COLEC10: variants seen among roughly 807,000 people sequenced by gnomAD.
COLEC10 encodes collectin-10.
A neutral mutation model predicts 28.4 loss-of-function variants in COLEC10; 22 were observed. The ratio of observed to expected loss-of-function variants is 0.78; its 90% CI spans 0.55 to 1.11. The LOEUF is 1.11. COLEC10 is among the 50% of genes least tolerant of loss of function. COLEC10 has a pLI of 0.00. For missense variants in COLEC10, 361 were observed against 344.1 expected (o/e 1.05, Z -0.39); for synonymous variants, 125 against 116.1 (o/e 1.08, Z -0.49).
At chr8:119,024,621 C>A (rs757290812) in intron 2 of COLEC10, among the ~76,000 whole-genome samples, 1 of 151,942 alleles carries the variant, frequency 6.6e-6, no homozygotes, top group Non-Finnish European at 1.5e-5. Flanking sequence ...CAGTGTGCAG[C>A]CACCTGCCTT....
intron 2 of COLEC10, among the ~76,000 whole-genome samples, chr8:119,021,320 G>A (rs1472622153): frequency 6.6e-6 from 1 of 152,090 alleles, no homozygotes; most frequent in East Asian, 1.9e-4. Context: ...TTTCTTAAAG[G>A]GCTGTGTAGC....
chr8:118,961,178 G>A, the COLEC10 span, among the ~76,000 whole-genome samples: 1 of 152,108 alleles, frequency 6.6e-6, no homozygotes, highest in African/African-American at 2.4e-5. Context: ...ATAGTGATAA[G>A]GAAACTAAAA....
chr8:119,069,619 AAAAAAAAAAAATATATATATATAT>A lies in COLEC10; in HGVS notation c.148+2192_148+2215del, dbSNP rs1275733722. Among the ~76,000 whole-genome samples, 356 of 61,362 alleles carry A rather than the reference AAAAAAAAAAAATATATATATATAT, an allele frequency of 5.8e-3. 3 individuals are homozygous for A. Among genetic ancestry groups the A allele is most frequent in the African/African-American group, 0.022 (326 of 14,582 alleles). The allele number at this position is 61,362 out of a possible 152,430, so 40.3% of individuals were successfully genotyped here. On this transcript the variant is annotated intron_variant, in intron 1 of 5. Coordinates refer to ENST00000332843, the MANE Select transcript of COLEC10 (RefSeq NM_006438.5). ...AGACCCCATCTCAAAAAAAAAAAAAAAAAAAAAAAAATATATATATATATATATATATATATATATATGTAAACT... is the reference window on the plus strand; with the variant it reads ...AGACCCCATCTCAAAAAAAAAAAAAAATATATATATATATATATGTAAACT...
At chr8:119,104,537 T>C (rs1815901046) in intron 5 of COLEC10, among the ~76,000 whole-genome samples, 1 of 152,286 alleles carries the variant, frequency 6.6e-6, no homozygotes, top group East Asian at 1.9e-4. Context: ...GAAAAGCCCT[T>C]GAAGTGGAAA....
chr8:118,981,003 G>T, the COLEC10 span, among the ~76,000 whole-genome samples: 1 of 151,258 alleles, frequency 6.6e-6, no homozygotes, highest in Non-Finnish European at 1.5e-5. Context: ...ATATTTCTTT[G>T]CAATGTTTAT....
At chr8:119,026,004 A>G (rs1814183914) in intron 2 of COLEC10, among the ~76,000 whole-genome samples, 1 of 152,124 alleles carries the variant, frequency 6.6e-6, no homozygotes, top group African/African-American at 2.4e-5. Flanking sequence ...CTTCTATTTT[A>G]TCTTTTCTCA....
the COLEC10 span, among the ~76,000 whole-genome samples, chr8:118,980,556 T>TAAGGAAGTTAATAAA: frequency 6.6e-6 from 1 of 152,074 alleles, no homozygotes; most frequent in Non-Finnish European, 1.5e-5. Flanking sequence ...TTAAGGAAGT[T>TAAGGAAGTTAATAAA]CCATTATATT....
chr8:119,092,115 G>T (rs895454742), intron 3 of COLEC10, among the ~76,000 whole-genome samples: 1 of 148,402 alleles, frequency 6.7e-6, no homozygotes. Flanking sequence ...TGTCACCCAG[G>T]CTGGAGTGCA....
chr8:119,042,237 A>G (rs1814512428), intron 2 of COLEC10, among the ~76,000 whole-genome samples: 1 of 152,060 alleles, frequency 6.6e-6, no homozygotes, highest in Middle Eastern at 3.4e-3. Flanking sequence ...ACCTCAGGTA[A>G]TCTTCCCGTT....
rs1228335948 is a variant in COLEC10, at chr8:119,107,394, C to T, written c.*1203C>T. Among the ~76,000 whole-genome samples the T allele has an allele frequency of 6.6e-6, 1 of 152,170 alleles. No individual in the cohort carries two copies. Among genetic ancestry groups the T allele is most frequent in the Non-Finnish European group, 1.5e-5 (1 of 68,030 alleles). On this transcript the variant is annotated 3_prime_UTR_variant, in exon 6 of 6. Coordinates refer to ENST00000332843, the MANE Select transcript of COLEC10 (RefSeq NM_006438.5). Reference sequence around the variant, plus strand: ...GTAGATCAAACCTCAAAGCAGCTTTCACTTGGAATTTAAAAATAAACAGTT... The same window carrying T: ...GTAGATCAAACCTCAAAGCAGCTTTTACTTGGAATTTAAAAATAAACAGTT...
chr8:119,044,622 G>A lies in COLEC10; in HGVS notation n.235+35069G>A, dbSNP rs891457073. The stretch of plus-strand genomic sequence containing the variant: ...CACTTTGGGAGGCCAGCGGGAGGGC[G>A]GGGGCATGGATCGTTTCAGGCCAGG... On this transcript the variant is annotated intron_variant and non_coding_transcript_variant, in intron 2 of 6. Transcript: ENST00000521788. 6.6e-5 allele frequency among the ~76,000 whole-genome samples: 10 copies of A among 151,938 alleles called. No individual in the cohort carries two copies. In the South Asian group the frequency reaches 8.3e-4, roughly 13 times the overall value.
upstream of COLEC10, chr8:119,062,826 A>C (rs1421213710): frequency 3.9e-5 from 6 of 152,228 alleles, no homozygotes; most frequent in Non-Finnish European, 8.8e-5. Flanking sequence ...GAAATGTAAA[A>C]AAGAAATTAT....
At chr8:119,050,006 C>T (rs1402247226) in intron 2 of COLEC10, among the ~76,000 whole-genome samples, 1 of 152,140 alleles carries the variant, frequency 6.6e-6, no homozygotes, top group Non-Finnish European at 1.5e-5. Flanking sequence ...TTCTCATGTT[C>T]CAGGACACCA....
intron 1 of COLEC10, among the ~76,000 whole-genome samples, chr8:118,998,682 A>AC (rs1312220629): frequency 2.6e-5 from 2 of 77,796 alleles, no homozygotes; most frequent in East Asian, 8.9e-4. Context: ...ACTGAAAAAT[A>AC]CAAAAAAAAA....
chr8:119,003,431 T>C (rs1813736034), intron 1 of COLEC10, among the ~76,000 whole-genome samples: 1 of 152,114 alleles, frequency 6.6e-6, no homozygotes, highest in Admixed American at 6.6e-5. Flanking sequence ...TGGACATCTA[T>C]TTTTGATGTA....
rs559684489 is a variant in COLEC10, at chr8:119,060,676, T to C, written n.236-29004T>C. 2.0e-5 allele frequency among the ~76,000 whole-genome samples: 3 copies of C among 152,264 alleles called. No individual in the cohort carries two copies. In the East Asian group the frequency reaches 5.8e-4, roughly 29 times the overall value. On this transcript the variant is annotated intron_variant and non_coding_transcript_variant, in intron 2 of 6. Transcript: ENST00000521788. Reference sequence around the variant, plus strand: ...AAACAAGGGATTGGAGTATGCTAAATAAATCTTACAGTTTAAAAAGCAGAG... The same window carrying C: ...AAACAAGGGATTGGAGTATGCTAAACAAATCTTACAGTTTAAAAAGCAGAG...
chr8:119,081,693 T>G (rs72682424), intron 1 of COLEC10, among the ~76,000 whole-genome samples: 36 of 152,286 alleles, frequency 2.4e-4, no homozygotes, highest in Non-Finnish European at 4.3e-4. Flanking sequence ...TGTATATAAA[T>G]TAAATGAGCC....
At chr8:118,953,178 G>A in the COLEC10 span, among the ~76,000 whole-genome samples, 3 of 152,172 alleles carry the variant, frequency 2.0e-5, no homozygotes, top group Non-Finnish European at 2.9e-5. Flanking sequence ...TACAGAAGAC[G>A]GGGTGTCATT....
At chr8:119,086,404 T>C (rs1025641076) in intron 1 of COLEC10, among the ~76,000 whole-genome samples, 1 of 151,864 alleles carries the variant, frequency 6.6e-6, no homozygotes. Flanking sequence ...GGGGTCCCTA[T>C]CCAAAGCTTG....
Sources: allele counts gnomAD v4.1 joint callset (sites outside exome capture counted in the v4.1 genomes callset), GRCh38; gene constraint gnomAD v4.1.1; transcripts MANE v1.5; gene names NCBI Gene and HGNC (gene_info 2026-07-23, HGNC 2026-07-21).